TTLL9: variants seen among roughly 807,000 people sequenced by gnomAD.
TTLL9 encodes probable tubulin polyglutamylase TTLL9.
TTLL9 carries 47 observed loss-of-function variants against 65.6 expected under a neutral mutation model. The ratio of observed to expected loss-of-function variants is 0.72; its 90% CI spans 0.57 to 0.91. The LOEUF (loss-of-function observed/expected upper bound fraction) is 0.91. TTLL9 is among the 40% of genes least tolerant of loss of function. The pLI is 0.00. For synonymous variants in TTLL9, 179 were observed against 204.8 expected (o/e 0.87, Z 1.07); for missense variants, 537 against 568.8 (o/e 0.94, Z 0.57).
At chr20:31,872,223 G>C (rs759740036) in intron 2 of TTLL9, among the ~76,000 whole-genome samples, 27 of 152,214 alleles carry the variant, frequency 1.8e-4, no homozygotes, top group Non-Finnish European at 2.8e-4. Context: ...CATTTGAGCT[G>C]AGAGGTGATA....
chr20:31,920,229 G>GCGCACACA (rs113675372), intron 7 of TTLL9, among the ~76,000 whole-genome samples: 2 of 150,426 alleles, frequency 1.3e-5, no homozygotes, highest in Non-Finnish European at 3.0e-5. Flanking sequence ...GCAAACACGC[G>GCGCACACA]CACACACACA....
At chr20:31,908,087 G>C (rs73102619) in intron 4 of TTLL9, among the ~76,000 whole-genome samples, 2,215 of 152,264 alleles carry the variant, frequency 0.015, 18 homozygotes, top group Non-Finnish European at 0.024. Flanking sequence ...TCTTGCCTTA[G>C]AGTTCTGGGG....
chr20:31,921,022 G>A (rs537994273), intron 7 of TTLL9, among the ~76,000 whole-genome samples: 4 of 152,216 alleles, frequency 2.6e-5, no homozygotes, highest in African/African-American at 4.8e-5. Context: ...GTCCTCGGGG[G>A]CCCATGGGTG....
chr20:31,872,654 G>C (rs2062954774), intron 2 of TTLL9, among the ~76,000 whole-genome samples: 1 of 152,154 alleles, frequency 6.6e-6, no homozygotes, highest in African/African-American at 2.4e-5. Flanking sequence ...GCGCACCACT[G>C]CACTCAAGCC....
In TTLL9 at chr20:31,938,063, TCTCCCTCCCTCTCCCTCTCC is replaced by T. The variant is rs1414780042; in HGVS notation, c.1118+578_1118+597del. The T allele has an allele frequency of 8.8e-4, 299 of 339,950 alleles. 4 individuals are homozygous for T. Among genetic ancestry groups the T allele is most frequent in the Non-Finnish European group, 1.5e-3 (260 of 169,250 alleles). The allele number at this position is 339,950 out of a possible 1,614,324, so 21.1% of individuals were successfully genotyped here. On this transcript the variant is annotated intron_variant, in intron 13 of 14. Transcript: ENST00000535842. ...CTCTCTGTTTCTCTCTCTCTCCCTTTCTCCCTCCCTCTCCCTCTCCCTCCCTCCCTCTCCCTCTCCCTCTC... is the reference window on the plus strand; with the variant it reads ...CTCTCTGTTTCTCTCTCTCTCCCTTTCTCCCTCCCTCTCCCTCTCCCTCTC...
chr20:31,902,962 C>T (rs2063499576), intron 4 of TTLL9, among the ~76,000 whole-genome samples: 2 of 152,134 alleles, frequency 1.3e-5, no homozygotes, highest in Admixed American at 1.3e-4. Context: ...CTCCCGCGCT[C>T]AAGTGATCCA....
At chr20:31,939,393 A>T in intron 14 of TTLL9, 127 bp downstream of exon 14, 1 of 1,163,494 alleles carries the variant, frequency 8.6e-7, no homozygotes, top group East Asian at 2.9e-5. Context: ...CAGCTGTGTG[A>T]CCTTGGGCAA....
Position 31,937,516 on chromosome 20 carries a change from G to A in TTLL9, c.1118+7G>A. The A allele has an allele frequency of 6.2e-7, 1 of 1,608,622 alleles. No homozygotes were observed. The highest frequency in any genetic ancestry group is 8.5e-7 in the Non-Finnish European group (1 of 1,175,782). ...TTGTGGACATGGAAGCGAGGTGAGG[G>A]AGGGCAGCCTTGATCACATGTCCTT... is the stretch of plus-strand genomic sequence containing the variant. On this transcript the variant is annotated splice_region_variant and intron_variant, in intron 13 of 14. Coordinates refer to ENST00000535842, the MANE Select transcript of TTLL9 (RefSeq NM_001008409.5).
At chr20:31,912,595 GTA>G (rs1350431416) in intron 6 of TTLL9, among the ~76,000 whole-genome samples, 1 of 126,020 alleles carries the variant, frequency 7.9e-6, no homozygotes, top group Non-Finnish European at 1.6e-5. Context: ...GTGTGTGCGT[GTA>G]TGTGTATGTG....
At chr20:31,874,609 C>T (rs2063011830) in intron 2 of TTLL9, among the ~76,000 whole-genome samples, 1 of 152,034 alleles carries the variant, frequency 6.6e-6, no homozygotes, top group Admixed American at 6.6e-5. Context: ...GGGGTTTCAC[C>T]GTGTTGGCCA....
At chr20:31,936,750 T>C (rs184579977) in intron 12 of TTLL9, among the ~76,000 whole-genome samples, 1 of 152,280 alleles carries the variant, frequency 6.6e-6, no homozygotes, top group Admixed American at 6.5e-5. Flanking sequence ...GGGAAAACAA[T>C]AACACCACGA....
At chr20:31,887,149 G>C (rs1478722852) in intron 2 of TTLL9, 47 bp from the exon 3 acceptor site, 1 of 1,593,282 alleles carries the variant, frequency 6.3e-7, no homozygotes, top group African/African-American at 1.3e-5. Flanking sequence ...GGGAAAACAG[G>C]GCAGATATAC....
At chr20:31,876,175 G>A (rs562542285) in intron 2 of TTLL9, among the ~76,000 whole-genome samples, 208 of 152,298 alleles carry the variant, frequency 1.4e-3, no homozygotes, top group Non-Finnish European at 2.4e-3. Context: ...GGCCGGGTGT[G>A]GTGGCTCACA....
At chr20:31,920,937 C>T (rs570174456) in intron 7 of TTLL9, among the ~76,000 whole-genome samples, 19 of 152,178 alleles carry the variant, frequency 1.2e-4, no homozygotes, top group Non-Finnish European at 2.4e-4. Flanking sequence ...TTGCAACCTG[C>T]GAGGTGCTGT....
chr20:31,899,950 C>T lies in TTLL9; in HGVS notation c.206+1385C>T, dbSNP rs6061024. ...TAATTTTTTGTATTTTTAGTAGAGA[C>T]GAGATTTCACTGTGTTAGCCAGGAT... On this transcript the variant is annotated intron_variant, in intron 4 of 14. Transcript: ENST00000535842. 2.8e-3 allele frequency among the ~76,000 whole-genome samples: 432 copies of T among 152,082 alleles called. 1 individual carries two copies. Among genetic ancestry groups the T allele is most frequent in the African/African-American group, 9.8e-3 (407 of 41,496 alleles).
chr20:31,921,426 G>A lies in TTLL9; in HGVS notation c.573+1494G>A, dbSNP rs150222147. ...GGAAGACAGTGTGGTGATTCCTCAG[G>A]GATCTAGAACTAGAAATACCATTTG... On this transcript the variant is annotated intron_variant, in intron 7 of 14. Coordinates refer to ENST00000535842, the MANE Select transcript of TTLL9 (RefSeq NM_001008409.5). 3.3e-5 allele frequency among the ~76,000 whole-genome samples: 5 copies of A among 152,242 alleles called. No individual in the cohort carries two copies. In the East Asian group the frequency reaches 9.6e-4, roughly 29 times the overall value.
intron 2 of TTLL9, among the ~76,000 whole-genome samples, chr20:31,873,828 G>GAAAGAAAGAAAGAAAA (rs1555800234): frequency 4.9e-5 from 3 of 61,386 alleles, no homozygotes; most frequent in South Asian, 4.4e-4. Context: ...AAGGAAGAAA[G>GAAAGAAAGAAAGAAAA]AAAGAAAGAA....
At position 31,871,199 on chromosome 20, in the gene TTLL9, A is replaced by C. The variant is rs112646837; in HGVS notation, c.69+4A>C. ...TAGGTGCCCCAAGAAATTACAGGTG[A>C]ATGTTGGGAGAGGGGTTTGAGGGAG... On this transcript the variant is annotated splice_donor_region_variant and intron_variant, in intron 2 of 14. Transcript: ENST00000535842. 6.0e-3 allele frequency: 9,724 copies of C among 1,613,900 alleles called. 535 individuals carry two copies. The African/African-American group carries it at 0.11, about 19-fold the overall frequency.
At chr20:31,886,951 G>A (rs552846765) in intron 2 of TTLL9, among the ~76,000 whole-genome samples, 4 of 152,308 alleles carry the variant, frequency 2.6e-5, no homozygotes, top group Admixed American at 2.6e-4. Flanking sequence ...CATACCTGTG[G>A]AGCAAACCTG....
Sources: allele counts gnomAD v4.1 joint callset (sites outside exome capture counted in the v4.1 genomes callset), GRCh38; gene constraint gnomAD v4.1.1; transcripts MANE v1.5; gene names NCBI Gene and HGNC (gene_info 2026-07-23, HGNC 2026-07-21).